The following LRIG1 variants were observed in gnomAD, a reference collection of about 807,000 sequenced individuals.
LRIG1 encodes leucine rich repeats and immunoglobulin like domains 1.
LRIG1 carries 48 observed loss-of-function variants against 99.2 expected under a neutral mutation model. The observed-to-expected ratio is 0.48, with a 90% CI of 0.38 to 0.62. The LOEUF is 0.62. Among genes scored for constraint, LRIG1 ranks in the 20% least tolerant of loss-of-function variants. The probability of loss-of-function intolerance (pLI) is 0.00; values close to 1 mark genes in which losing one functional copy is unlikely to be tolerated. For missense variants in LRIG1, 1,646 were observed against 1,434.4 expected (o/e 1.15, Z -2.38); for synonymous variants, 772 against 596.1 (o/e 1.29, Z -4.30).
chr3:66,494,133 G>C (rs1701176223), intron 1 of LRIG1, among the ~76,000 whole-genome samples: 1 of 152,274 alleles, frequency 6.6e-6, no homozygotes, highest in South Asian at 2.1e-4. Context: ...TCATCATAAA[G>C]TAGATGGACC....
chr3:66,467,712 C>G (rs781408465), intron 1 of LRIG1, among the ~76,000 whole-genome samples: 14 of 152,232 alleles, frequency 9.2e-5, no homozygotes, highest in Non-Finnish European at 1.6e-4. Context: ...TAGTGGCTAT[C>G]AAAATGTACA....
At position 66,384,193 on chromosome 3, in the gene LRIG1, T is replaced by C. The variant is rs747672489; in HGVS notation, c.1869A>G (p.Thr623=). The C allele has an allele frequency of 1.9e-6, 3 of 1,614,058 alleles. No homozygotes were observed. The highest frequency in any genetic ancestry group is 1.3e-5 in the African/African-American group (1 of 74,928). The part of the protein sequence containing the change: ...TTMARLECAA[T]GHPNPQIAWQ... Reference sequence around the variant, plus strand: ...AGGCAATCTGAGGGTTTGGGTGACCTGTGGCAGCACATTCGAGGCGGGCCA... The same window carrying C: ...AGGCAATCTGAGGGTTTGGGTGACCCGTGGCAGCACATTCGAGGCGGGCCA... Residue 623 remains threonine (T), a synonymous_variant, in exon 14 of 19, where the codon ACA becomes ACG. Transcript: ENST00000273261.
Position 66,451,581 on chromosome 3 carries a change from A to G in LRIG1, c.343T>C (p.Ser115Pro). ...TACAGAAAGAGAGAGACGACATGTG[A>G]TGAAGCAGCGCCCAGGGATGGTACC... ...TAVPSLGAAS[S>P]HVVSLFLQHN... Residue 115 changes from serine (S) to proline (P), a missense_variant, in exon 3 of 19, where the codon TCA becomes CCA. Ser to Pro is a moderately conservative substitution (Grantham distance 74, BLOSUM62 -1). Transcript: ENST00000273261. 1.9e-6 allele frequency: 3 copies of G among 1,614,118 alleles called. No individual in the cohort carries two copies. Among genetic ancestry groups the G allele is most frequent in the Middle Eastern group, 1.6e-4 (1 of 6,062 alleles).
At position 66,420,982 on chromosome 3, in the gene LRIG1, CA is replaced by C. The variant is rs1159321373; in HGVS notation, c.366-3717del. 2.0e-5 allele frequency among the ~76,000 whole-genome samples: 3 copies of C among 151,030 alleles called. No individual in the cohort carries two copies. In the East Asian group the frequency reaches 5.8e-4, roughly 29 times the overall value. Reference sequence around the variant, plus strand: ...TATGTCTTACATGGATGGCAGCAGGCAAAAAAAAGGGCTTGTGCAGGGAAAC... The same window carrying C: ...TATGTCTTACATGGATGGCAGCAGGCAAAAAAAGGGCTTGTGCAGGGAAAC... On this transcript the variant is annotated intron_variant, in intron 3 of 18. Coordinates refer to ENST00000273261, the MANE Select transcript of LRIG1 (RefSeq NM_015541.3).
In LRIG1 at chr3:66,380,769, CT is replaced by C. The variant is rs1559762036; in HGVS notation, c.2862del (p.Asp955ThrfsTer50). 3 of 1,614,236 alleles carry C rather than the reference CT, an allele frequency of 1.9e-6. No homozygotes were observed. The South Asian group carries it at 3.3e-5, about 18-fold the overall frequency. On this transcript the variant is annotated frameshift_variant, in exon 18 of 19. Transcript: ENST00000273261. LOFTEE classifies it high-confidence loss of function. ...TTTGGCGCACTTGGCTGTGCGCTGT[CT>C]CTGGACACAGGCTGGGGGTGGAAGG... is the stretch of plus-strand genomic sequence containing the variant. ...GQAFHPQPVS[R>X]DSAQPSAPNG... is the part of the protein sequence containing the mutation.
At chr3:66,399,392 A>G (rs552022417) in intron 9 of LRIG1, among the ~76,000 whole-genome samples, 27 of 152,310 alleles carry the variant, frequency 1.8e-4, no homozygotes, top group African/African-American at 6.3e-4. Flanking sequence ...TGGGTGGTGA[A>G]GTTTAGTGAT....
intron 9 of LRIG1, among the ~76,000 whole-genome samples, chr3:66,399,284 G>C (rs1027538533): frequency 2.0e-5 from 3 of 152,164 alleles, no homozygotes; most frequent in Non-Finnish European, 2.9e-5. Flanking sequence ...ATGATAGGCT[G>C]GAATTGCATG....
chr3:66,392,155 T>C (rs144873080), intron 12 of LRIG1, among the ~76,000 whole-genome samples: 44 of 152,370 alleles, frequency 2.9e-4, no homozygotes, highest in Middle Eastern at 6.8e-3. Context: ...CTAATGAATA[T>C]TCCATTGTAT....
At chr3:66,385,720 G>A (rs552748506) in intron 13 of LRIG1, among the ~76,000 whole-genome samples, 1 of 152,330 alleles carries the variant, frequency 6.6e-6, no homozygotes, top group East Asian at 1.9e-4. Context: ...CCCAACTGCT[G>A]GGATTACAGG....
At chr3:66,404,438 T>C in intron 9 of LRIG1, 1 of 1,162,268 alleles carries the variant, frequency 8.6e-7, no homozygotes, top group Non-Finnish European at 1.1e-6. Flanking sequence ...TGCACGGTCC[T>C]TGGGTGGCAT....
At chr3:66,487,922 C>T (rs1370950315) in intron 1 of LRIG1, among the ~76,000 whole-genome samples, 4 of 152,194 alleles carry the variant, frequency 2.6e-5, no homozygotes, top group Non-Finnish European at 5.9e-5. Context: ...TTCCAGACCA[C>T]TAACTGTTCC....
At chr3:66,447,137 G>T (rs1426231012) in intron 3 of LRIG1, among the ~76,000 whole-genome samples, 1 of 152,106 alleles carries the variant, frequency 6.6e-6, no homozygotes, top group African/African-American at 2.4e-5. Context: ...GAGCTGTTTT[G>T]AAACAGGCAT....
At chr3:66,475,768 G>T (rs1700708677) in intron 1 of LRIG1, among the ~76,000 whole-genome samples, 1 of 152,158 alleles carries the variant, frequency 6.6e-6, no homozygotes, top group Non-Finnish European at 1.5e-5. Context: ...TGGTTTATAA[G>T]GTCACAAGCA....
intron 12 of LRIG1, among the ~76,000 whole-genome samples, chr3:66,392,979 G>T (rs1329741409): frequency 6.6e-6 from 1 of 152,184 alleles, no homozygotes; most frequent in Non-Finnish European, 1.5e-5. Flanking sequence ...GTTCGCAGTG[G>T]GTTTAAGACG....
chr3:66,488,964 T>G lies in LRIG1; in HGVS notation c.218+11226A>C, dbSNP rs536412016. Among the ~76,000 whole-genome samples the G allele has an allele frequency of 3.9e-5, 6 of 152,134 alleles. No individual in the cohort carries two copies. The East Asian group carries it at 5.8e-4, about 15-fold the overall frequency. On this transcript the variant is annotated intron_variant, in intron 1 of 18. Coordinates refer to ENST00000273261, the MANE Select transcript of LRIG1 (RefSeq NM_015541.3). ...ACATGCCTGTAATTTATTTTCCTGG[T>G]TTTTTTTCTTTAAATTTTTACCTAA... is the stretch of plus-strand genomic sequence containing the variant.
chr3:66,385,761 A>G (rs1248197311), intron 13 of LRIG1, among the ~76,000 whole-genome samples: 1 of 152,204 alleles, frequency 6.6e-6, no homozygotes, highest in Non-Finnish European at 1.5e-5. Context: ...CAATAACTAG[A>G]TTTTTAAAAC....
At chr3:66,444,569 AAGCCACCTGGCC>A (rs2106787714) in intron 3 of LRIG1, among the ~76,000 whole-genome samples, 1 of 152,342 alleles carries the variant, frequency 6.6e-6, no homozygotes, top group Non-Finnish European at 1.5e-5. Flanking sequence ...GTGGTTCTCA[AAGCCACCTGGCC>A]AGCAGCAGTG....
intron 6 of LRIG1, among the ~76,000 whole-genome samples, chr3:66,412,219 A>G (rs1702489420): frequency 6.6e-6 from 1 of 152,024 alleles, no homozygotes; most frequent in African/African-American, 2.4e-5. Flanking sequence ...ACAGAAATAA[A>G]CCTCCTAAGA....
intron 1 of LRIG1, among the ~76,000 whole-genome samples, chr3:66,475,303 G>T (rs1330875814): frequency 2.6e-5 from 4 of 152,212 alleles, no homozygotes; most frequent in Non-Finnish European, 4.4e-5. Flanking sequence ...GTAGAAGGGT[G>T]GAGAATGACT....
Sources: allele counts gnomAD v4.1 joint callset (sites outside exome capture counted in the v4.1 genomes callset), GRCh38; gene constraint gnomAD v4.1.1; transcripts MANE v1.5; gene names NCBI Gene and HGNC (gene_info 2026-07-23, HGNC 2026-07-21).